The following C2CD3 variants were observed in gnomAD, a reference collection of about 807,000 sequenced individuals.
C2CD3 encodes C2 domain-containing protein 3.
C2CD3 carries 148 observed loss-of-function variants against 234.0 expected under a neutral mutation model. The ratio of observed to expected loss-of-function variants is 0.63; its 90% CI spans 0.55 to 0.72. The LOEUF (loss-of-function observed/expected upper bound fraction) is 0.72, where lower values mean the gene tolerates loss of function less well. Ranked by LOEUF, C2CD3 falls within the 30% of genes least tolerant of loss-of-function variation. The pLI, the probability that C2CD3 is intolerant of heterozygous loss-of-function variation, is 0.00. For synonymous variants in C2CD3, 1,000 were observed against 1,035.4 expected (o/e 0.97, Z 0.66); for missense variants, 2,577 against 2,811.5 (o/e 0.92, Z 1.89).
intron 20 of C2CD3, among the ~76,000 whole-genome samples, chr11:74,086,172 C>A (rs958418701): frequency 3.9e-5 from 6 of 152,166 alleles, no homozygotes; most frequent in African/African-American, 1.4e-4. Context: ...CAGGAACCAA[C>A]TCTAGTTGAA....
chr11:74,054,507 GAAAAAAAAAA>G (rs869085401), intron 26 of C2CD3, 90 bp downstream of exon 26: 43 of 275,616 alleles, frequency 1.6e-4, no homozygotes, highest in African/African-American at 7.3e-4. Context: ...ACTTGGTTTG[GAAAAAAAAAA>G]AAAAAAAAAA....
At position 74,078,279 on chromosome 11, in the gene C2CD3, G is replaced by C. The variant is rs772828345; in HGVS notation, c.4439C>G (p.Ser1480Ter). Residue 1480 changes from serine to a stop codon, truncating the protein, a stop_gained, in exon 23 of 33, where the codon TCA becomes TGA. Transcript: ENST00000334126. LOFTEE classifies it high-confidence loss of function. Reference sequence around the variant, plus strand: ...CTCCTCCCTGAAGTACCAAAGCAGTGATGGGCCCCTGGTGACTTCTGCTCT... The same window carrying C: ...CTCCTCCCTGAAGTACCAAAGCAGTCATGGGCCCCTGGTGACTTCTGCTCT... ...SKRAEVTRGP[S>*]LLWYFREERL... 7.4e-6 allele frequency: 12 copies of C among 1,614,152 alleles called. No individual in the cohort carries two copies. Among genetic ancestry groups the C allele is most frequent in the African/African-American group, 1.3e-5 (1 of 75,020 alleles).
At chr11:74,081,089 A>T (rs190038084) in intron 22 of C2CD3, among the ~76,000 whole-genome samples, 21 of 152,252 alleles carry the variant, frequency 1.4e-4, no homozygotes, top group African/African-American at 5.1e-4. Context: ...ACACAATCCT[A>T]GGCAGGAAGA....
At chr11:74,076,628 C>T (rs970000356) in intron 23 of C2CD3, among the ~76,000 whole-genome samples, 2 of 152,176 alleles carry the variant, frequency 1.3e-5, no homozygotes, top group Non-Finnish European at 2.9e-5. Context: ...TGCCTACCTC[C>T]CTAGCTTCAT....
chr11:74,113,134 C>T (rs1476393041), intron 11 of C2CD3: 3 of 152,174 alleles, frequency 2.0e-5, no homozygotes, highest in Non-Finnish European at 4.4e-5. Context: ...GAATGAAGTA[C>T]TGATATATAC....
At chr11:74,023,195 T>C (rs550484395) in intron 32 of C2CD3, among the ~76,000 whole-genome samples, 1 of 152,340 alleles carries the variant, frequency 6.6e-6, no homozygotes, top group East Asian at 1.9e-4. Flanking sequence ...TCTTCGATCA[T>C]GTGGGGAAAC....
rs200305408 is a variant in C2CD3, at chr11:74,078,620, C to T, written c.4098G>A (p.Ser1366=). 6.3e-5 allele frequency: 101 copies of T among 1,614,158 alleles called. No homozygotes were observed. Among genetic ancestry groups the T allele is most frequent in the Non-Finnish European group, 7.5e-5 (88 of 1,180,032 alleles). ...MQKIVGGLEL[S]ISFTHRGDRE... ...TATCTCCACGATGCGTGAAGGAAAT[C>T]GAAAGCTCCAGACCACCCACGATCT... The change falls in exon 23 of 33, where the codon TCG becomes TCA. Residue 1366 remains serine (S), a synonymous_variant. Coordinates refer to ENST00000334126, the MANE Select transcript of C2CD3 (RefSeq NM_001286577.2).
At chr11:74,029,638 G>T (rs1222951133) in intron 31 of C2CD3, among the ~76,000 whole-genome samples, 2 of 152,252 alleles carry the variant, frequency 1.3e-5, no homozygotes, top group East Asian at 1.9e-4. Context: ...GGGGAAGAAA[G>T]AACTTTGCTG....
chr11:74,111,272 A>C (rs1458097146), intron 11 of C2CD3, among the ~76,000 whole-genome samples: 1 of 152,188 alleles, frequency 6.6e-6, no homozygotes, highest in Non-Finnish European at 1.5e-5. Context: ...AACCATGTAC[A>C]GGTTGGGCAG....
Position 74,092,479 on chromosome 11 carries a change from T to G in C2CD3, c.3454A>C (p.Thr1152Pro). The G allele has an allele frequency of 6.2e-7, 1 of 1,613,746 alleles. No homozygotes were observed. Among genetic ancestry groups the G allele is most frequent in the Non-Finnish European group, 8.5e-7 (1 of 1,179,638 alleles). The change falls in exon 19 of 33, where the codon ACC becomes CCC. Residue 1152 changes from threonine (T) to proline (P), a missense_variant. Coordinates refer to ENST00000334126, the MANE Select transcript of C2CD3 (RefSeq NM_001286577.2). ...TQHREDVGIQ[T>P]FNLPLTPRIE... is the part of the protein sequence containing the mutation. ...CTGGGGGTTAAAGGGAGATTAAAGGTCTGTATTCCCACATCCTCACGATGC... is the reference window on the plus strand; with the variant it reads ...CTGGGGGTTAAAGGGAGATTAAAGGGCTGTATTCCCACATCCTCACGATGC...
chr11:74,028,455 G>A, intron 31 of C2CD3, 57 bp from the exon 32 acceptor site: 1 of 1,056,984 alleles, frequency 9.5e-7, no homozygotes, highest in South Asian at 1.5e-5. Context: ...TTGCAGTGGA[G>A]GCCAGCATCT....
intron 18 of C2CD3, 49 bp downstream of exon 18, chr11:74,093,767 G>T: frequency 6.7e-7 from 1 of 1,485,258 alleles, no homozygotes; most frequent in Non-Finnish European, 9.3e-7. Context: ...GATGCTTTAT[G>T]ATTGTGCACT....
intron 21 of C2CD3, chr11:74,085,402 T>C: frequency 1.8e-6 from 1 of 561,100 alleles, no homozygotes; most frequent in South Asian, 2.5e-5. Flanking sequence ...GATACACCCA[T>C]TAACACTGAC....
At chr11:74,169,123 A>G (rs1251239181) in intron 1 of C2CD3, among the ~76,000 whole-genome samples, 1 of 152,218 alleles carries the variant, frequency 6.6e-6, no homozygotes, top group Non-Finnish European at 1.5e-5. Flanking sequence ...GATTTAGACT[A>G]TATCATACAA....
chr11:74,074,477 C>A lies in C2CD3; in HGVS notation c.4727G>T (p.Cys1576Phe), dbSNP rs777115211. 3.7e-6 allele frequency: 6 copies of A among 1,614,160 alleles called. No homozygotes were observed. The highest frequency in any genetic ancestry group is 5.1e-6 in the Non-Finnish European group (6 of 1,180,006). Residue 1576 changes from cysteine to phenylalanine, a missense_variant, in exon 24 of 33, where the codon TGC becomes TTC. By Grantham distance (205) the Cys-to-Phe change is radical (BLOSUM62 -2). Transcript: ENST00000334126. ...CTGCTCAGACTCACTGTGGCTGCTG[C>A]AGTCCATGGAGTCCAGCTCATGAGT... ...EPTHELDSMD[C>F]SSHSESEQLP... is the part of the protein sequence containing the mutation.
At chr11:74,120,188 T>TA (rs911906501) in intron 8 of C2CD3, among the ~76,000 whole-genome samples, 2 of 152,096 alleles carry the variant, frequency 1.3e-5, no homozygotes, top group South Asian at 2.1e-4. Context: ...GCAGGTTTGT[T>TA]ACATATGTAT....
chr11:74,065,570 C>A (rs1221591750), intron 24 of C2CD3, among the ~76,000 whole-genome samples: 1 of 152,074 alleles, frequency 6.6e-6, no homozygotes, highest in African/African-American at 2.4e-5. Flanking sequence ...TGGGTATATA[C>A]CCAAAGAATT....
intron 12 of C2CD3, 22 bp from the exon 13 acceptor site, chr11:74,106,515 C>G (rs1189041167): frequency 6.2e-7 from 1 of 1,607,052 alleles, no homozygotes; most frequent in East Asian, 2.2e-5. Flanking sequence ...GGAAAGAGAA[C>G]ATTTAGATTA....
chr11:74,118,121 T>G (rs955437309), intron 9 of C2CD3, 107 bp downstream of exon 9: 42 of 708,032 alleles, frequency 5.9e-5, no homozygotes, highest in Non-Finnish European at 7.7e-5. Flanking sequence ...TTATTGTAAT[T>G]AATCACTCTG....
Sources: gnomAD v4.1 joint callset for allele counts (sites outside exome capture counted in the v4.1 genomes callset) on GRCh38, gnomAD v4.1.1 for gene constraint, MANE v1.5 for transcripts, NCBI Gene and HGNC (gene_info 2026-07-23, HGNC 2026-07-21) for gene names.